The following TLN2 variants were observed in gnomAD, a reference collection of about 807,000 sequenced individuals.
TLN2 encodes talin 2, also known as talin-2.
Under a neutral mutation model 294.7 loss-of-function variants are expected in TLN2, and 118 were observed. The observed-to-expected ratio is 0.40, with a 90% CI of 0.34 to 0.47. The LOEUF (loss-of-function observed/expected upper bound fraction) is 0.47. TLN2 is among the 20% of genes least tolerant of loss of function. The pLI is 0.84. For missense variants in TLN2, 3,083 were observed against 3,282.2 expected, an observed-to-expected ratio of 0.94 and a Z score of 1.48; for synonymous variants, 1,431 against 1,304.5, an observed-to-expected ratio of 1.10 and a Z score of -2.09.
At chr15:62,748,505 G>A in intron 33 of TLN2, 61 bp downstream of exon 33, 1 of 1,307,634 alleles carries the variant, frequency 7.6e-7, no homozygotes, top group Non-Finnish European at 1.1e-6. Context: ...CTGTGTGTCT[G>A]TGTGTCTGTC....
intron 1 of TLN2, among the ~76,000 whole-genome samples, chr15:62,450,094 A>G (rs1055308207): frequency 6.6e-6 from 1 of 152,158 alleles, no homozygotes; most frequent in East Asian, 1.9e-4. Flanking sequence ...CGTCTCCTGC[A>G]GAATCTCTCC....
intron 3 of TLN2, among the ~76,000 whole-genome samples, chr15:62,629,751 A>C (rs57445884): frequency 6.6e-6 from 1 of 152,248 alleles, no homozygotes. Flanking sequence ...CTCATCTTTC[A>C]AAGTGTATGT....
At chr15:62,611,355 G>A (rs1260007662) in intron 2 of TLN2, among the ~76,000 whole-genome samples, 2 of 152,204 alleles carry the variant, frequency 1.3e-5, no homozygotes, top group East Asian at 1.9e-4. Context: ...ATGGATGCTG[G>A]GTGTTGTAAG....
At chr15:62,575,607 C>A (rs1028098181) in intron 1 of TLN2, among the ~76,000 whole-genome samples, 14 of 148,666 alleles carry the variant, frequency 9.4e-5, no homozygotes, top group African/African-American at 2.8e-4. Flanking sequence ...ACTTAAAAAA[C>A]ACACACACAC....
chr15:62,593,168 C>T (rs1183352787), intron 2 of TLN2, among the ~76,000 whole-genome samples: 2 of 152,166 alleles, frequency 1.3e-5, no homozygotes, highest in African/African-American at 2.4e-5. Context: ...GAAGTTGTTC[C>T]ATGCTTCCTT....
intron 1 of TLN2, among the ~76,000 whole-genome samples, chr15:62,548,482 G>C (rs1245955379): frequency 4.6e-5 from 7 of 152,114 alleles, no homozygotes; most frequent in Non-Finnish European, 7.4e-5. Flanking sequence ...TTGCACACAG[G>C]GTTCTCTAGG....
intron 1 of TLN2, among the ~76,000 whole-genome samples, chr15:62,429,771 AGAAGCAAAC>A (rs1173994478): frequency 6.6e-6 from 1 of 152,242 alleles, no homozygotes; most frequent in Non-Finnish European, 1.5e-5. Context: ...GAAACTTTCT[AGAAGCAAAC>A]ATAACTTAAT....
chr15:62,563,416 T>C (rs2043143286), intron 1 of TLN2, among the ~76,000 whole-genome samples: 1 of 152,360 alleles, frequency 6.6e-6, no homozygotes, highest in Non-Finnish European at 1.5e-5. Context: ...TCTATTCATG[T>C]TCTTAGCCCA....
intron 1 of TLN2, among the ~76,000 whole-genome samples, chr15:62,589,426 G>C (rs1199707824): frequency 6.6e-6 from 1 of 152,192 alleles, no homozygotes; most frequent in Non-Finnish European, 1.5e-5. Flanking sequence ...AGCCATTAAA[G>C]CATTCCTACC....
intron 1 of TLN2, among the ~76,000 whole-genome samples, chr15:62,544,340 A>C (rs1362079282): frequency 2.6e-5 from 4 of 151,940 alleles, no homozygotes; most frequent in African/African-American, 9.7e-5. Flanking sequence ...GTTCGCCAAC[A>C]CTCGTGGTCT....
Position 62,671,274 on chromosome 15 carries a change from T to A in TLN2, c.789-2553T>A, listed in dbSNP as rs550509965. Among the ~76,000 whole-genome samples, 13 of 152,358 alleles carry A rather than the reference T, an allele frequency of 8.5e-5. No individual in the cohort carries two copies. In the South Asian group the frequency reaches 2.5e-3, roughly 29 times the overall value. Reference sequence around the variant, plus strand: ...TGGTGGTATCTGCAATTTAAAAGTTTATAATTTTGAAATAGTCCATTTTAT... The same window carrying A: ...TGGTGGTATCTGCAATTTAAAAGTTAATAATTTTGAAATAGTCCATTTTAT... On this transcript the variant is annotated intron_variant, in intron 9 of 58. Coordinates refer to ENST00000636159, the MANE Select transcript of TLN2 (RefSeq NM_015059.3).
intron 1 of TLN2, among the ~76,000 whole-genome samples, chr15:62,398,257 C>G (rs1204154660): frequency 6.6e-6 from 1 of 152,184 alleles, no homozygotes; most frequent in African/African-American, 2.4e-5. Flanking sequence ...CTTGGCACTT[C>G]TCTCTCCTGC....
At position 62,592,925 on chromosome 15, in the gene TLN2, G is replaced by C. The variant is rs77485614; in HGVS notation, c.-162+3163G>C. Among the ~76,000 whole-genome samples the C allele has an allele frequency of 3.7e-3, 559 of 152,302 alleles. 4 individuals are homozygous for C. Among genetic ancestry groups the C allele is most frequent in the African/African-American group, 0.013 (524 of 41,562 alleles). On this transcript the variant is annotated intron_variant, in intron 2 of 58. Transcript: ENST00000636159. ...ATGTAATGACTTGTGATATATTCTG[G>C]ATTTGAGATTAAATGCAATATTCTG...
chr15:62,686,809 A>G lies in TLN2; in HGVS notation c.1113+13A>G. 6.2e-7 allele frequency: 1 copy of G among 1,612,446 alleles called. No individual in the cohort carries two copies. The highest frequency in any genetic ancestry group is 8.5e-7 in the Non-Finnish European group (1 of 1,179,772). On this transcript the variant is annotated intron_variant, in intron 12 of 58. Coordinates refer to ENST00000636159, the MANE Select transcript of TLN2 (RefSeq NM_015059.3). ...GAGCTTCACACTGGTAGGGACTGGCAGAGGGCAAGGAGAGCACTAGCGTGG... is the reference window on the plus strand; with the variant it reads ...GAGCTTCACACTGGTAGGGACTGGCGGAGGGCAAGGAGAGCACTAGCGTGG...
chr15:62,765,428 G>A (rs1159510288), intron 40 of TLN2, among the ~76,000 whole-genome samples: 5 of 151,894 alleles, frequency 3.3e-5, no homozygotes, highest in African/African-American at 1.2e-4. Context: ...GCATTGTTCT[G>A]TGGGAAAGTA....
chr15:62,445,962 A>T (rs2035800457), intron 1 of TLN2, among the ~76,000 whole-genome samples: 1 of 151,302 alleles, frequency 6.6e-6, no homozygotes, highest in Admixed American at 6.6e-5. Context: ...CTTTCTTGAT[A>T]TTCTTGATAC....
intron 11 of TLN2, among the ~76,000 whole-genome samples, chr15:62,683,580 A>T (rs1025526587): frequency 6.6e-6 from 1 of 151,540 alleles, no homozygotes; most frequent in African/African-American, 2.4e-5. Context: ...TCATTGGTAG[A>T]ATGCCTGCAT....
At chr15:62,481,802 T>C (rs60164735) in intron 1 of TLN2, among the ~76,000 whole-genome samples, 1,709 of 129,418 alleles carry the variant, frequency 0.013, 33 homozygotes, top group African/African-American at 0.04. Flanking sequence ...TTCTTTCTTT[T>C]TTTTTTTTTT....
chr15:62,499,849 C>T (rs2039213070), intron 1 of TLN2, among the ~76,000 whole-genome samples: 1 of 151,970 alleles, frequency 6.6e-6, no homozygotes, highest in Non-Finnish European at 1.5e-5. Flanking sequence ...GTGATCTGCC[C>T]GCCTGGACTT....
Sources: allele counts gnomAD v4.1 joint callset (sites outside exome capture counted in the v4.1 genomes callset), GRCh38; gene constraint gnomAD v4.1.1; transcripts MANE v1.5; gene names NCBI Gene and HGNC (gene_info 2026-07-23, HGNC 2026-07-21).